The following WWOX variants were observed in gnomAD, a reference collection of about 807,000 sequenced individuals.
WWOX encodes WW domain containing oxidoreductase, also known as WW domain-containing oxidoreductase.
A neutral mutation model predicts 46.2 loss-of-function variants in WWOX; 69 were observed. That is an observed-to-expected ratio of 1.49 (90% confidence interval 1.23 to 1.82). The LOEUF (loss-of-function observed/expected upper bound fraction) is 1.82, where lower values mean the gene tolerates loss of function less well. Ranked by LOEUF, WWOX falls within the 40% of genes most tolerant of loss-of-function variation. WWOX has a pLI of 0.00. For missense variants in WWOX, 919 were observed against 542.6 expected (o/e 1.69, Z -6.89); for synonymous variants, 359 against 202.6 (o/e 1.77, Z -6.56).
chr16:78,570,233 G>A (rs1411800904), intron 8 of WWOX, among the ~76,000 whole-genome samples: 4 of 152,136 alleles, frequency 2.6e-5, no homozygotes, highest in African/African-American at 4.8e-5. Flanking sequence ...CGGGTCTGGG[G>A]CCCAAGTGTT....
chr16:78,665,832 GCACCAC>G (rs2047318263), intron 8 of WWOX, among the ~76,000 whole-genome samples: 1 of 152,224 alleles, frequency 6.6e-6, no homozygotes, highest in Middle Eastern at 3.4e-3. Flanking sequence ...TTACAGGCAT[GCACCAC>G]CATGCCCGGC....
intron 8 of WWOX, among the ~76,000 whole-genome samples, chr16:79,137,511 G>C (rs192685816): frequency 2.4e-4 from 36 of 152,290 alleles, no homozygotes; most frequent in African/African-American, 8.2e-4. Flanking sequence ...CACTTGGAGT[G>C]ACATGTTGGA....
chr16:79,149,980 C>T (rs2050247372), intron 8 of WWOX, among the ~76,000 whole-genome samples: 1 of 152,162 alleles, frequency 6.6e-6, no homozygotes. Flanking sequence ...CATCTGTGGG[C>T]ACAAAAGAGC....
rs116642940 is a variant in WWOX, at chr16:78,526,877, C to G, written c.1056+94125C>G. On this transcript the variant is annotated intron_variant, in intron 8 of 8. Transcript: ENST00000566780. The stretch of plus-strand genomic sequence containing the variant: ...CCTGGTCTGGCCTGGCCCAGTGTGC[C>G]AGCGAGGGCAGGTGCAATGGCTCAC... Among the ~76,000 whole-genome samples the G allele has an allele frequency of 7.1e-3, 1,074 of 152,228 alleles. 12 individuals are homozygous for G. The highest frequency in any genetic ancestry group is 0.025 in the African/African-American group (1,030 of 41,570).
intron 5 of WWOX, among the ~76,000 whole-genome samples, chr16:78,261,616 G>C (rs951515918): frequency 2.7e-5 from 4 of 149,898 alleles, no homozygotes; most frequent in African/African-American, 7.4e-5. Context: ...AAAAAAGTCT[G>C]ATTGCAACTA....
At chr16:78,687,266 C>G (rs1190398945) in intron 8 of WWOX, among the ~76,000 whole-genome samples, 2 of 152,154 alleles carry the variant, frequency 1.3e-5, no homozygotes, top group Non-Finnish European at 2.9e-5. Flanking sequence ...CCAATATGTT[C>G]TTAACATCTC....
chr16:78,949,208 C>G (rs766254748), intron 8 of WWOX, among the ~76,000 whole-genome samples: 1 of 152,142 alleles, frequency 6.6e-6, no homozygotes, highest in Non-Finnish European at 1.5e-5. Flanking sequence ...CTGGCTGACA[C>G]CTTGTGAGTG....
chr16:78,989,694 A>T (rs2046845929), intron 8 of WWOX, among the ~76,000 whole-genome samples: 1 of 151,942 alleles, frequency 6.6e-6, no homozygotes, highest in South Asian at 2.1e-4. Flanking sequence ...GAGCATGAGT[A>T]AGCCAGAAGC....
intron 5 of WWOX, among the ~76,000 whole-genome samples, chr16:78,172,222 C>T (rs943922516): frequency 3.3e-5 from 5 of 152,134 alleles, no homozygotes; most frequent in Non-Finnish European, 4.4e-5. Context: ...AAAGTACATC[C>T]GCTGCGCTTC....
intron 8 of WWOX, among the ~76,000 whole-genome samples, chr16:78,754,430 A>G (rs1341287036): frequency 2.6e-5 from 4 of 152,122 alleles, no homozygotes; most frequent in Non-Finnish European, 4.4e-5. Context: ...CAGGGTTTTG[A>G]AGAGTTTGGC....
At chr16:78,210,606 A>T (rs2036531162) in intron 5 of WWOX, among the ~76,000 whole-genome samples, 1 of 152,174 alleles carries the variant, frequency 6.6e-6, no homozygotes, top group African/African-American at 2.4e-5. Context: ...CACACTGCTT[A>T]GTCACCCAAA....
rs545525097 is a variant in WWOX at position 78,952,026 on chromosome 16, T to C, written c.1057-259582T>C. The stretch of plus-strand genomic sequence containing the variant: ...ACCCTCAGATAAACCACAGCAATGA[T>C]TTTATACTGTCTGTAGGGTAAAGAC... On this transcript the variant is annotated intron_variant, in intron 8 of 8. Coordinates refer to ENST00000566780, the MANE Select transcript of WWOX (RefSeq NM_016373.4). Among the ~76,000 whole-genome samples, 20 of 152,278 alleles carry C rather than the reference T, an allele frequency of 1.3e-4. No individual in the cohort carries two copies. In the South Asian group the frequency reaches 2.1e-3, roughly 16 times the overall value.
At chr16:78,141,037 A>G (rs1452905232) in intron 4 of WWOX, among the ~76,000 whole-genome samples, 2 of 152,238 alleles carry the variant, frequency 1.3e-5, no homozygotes. Context: ...CTTATGGAGC[A>G]TGATTTTCAG....
At chr16:78,333,249 C>T (rs976923377) in intron 5 of WWOX, among the ~76,000 whole-genome samples, 13 of 151,730 alleles carry the variant, frequency 8.6e-5, no homozygotes, top group African/African-American at 2.4e-4. Flanking sequence ...GGCGTTTCAC[C>T]GTGTTGGCCA....
chr16:78,535,988 G>A (rs1471686082), intron 8 of WWOX, among the ~76,000 whole-genome samples: 2 of 152,200 alleles, frequency 1.3e-5, no homozygotes, highest in Non-Finnish European at 2.9e-5. Flanking sequence ...TTTCAGGCAA[G>A]GTTAGTTTCG....
intron 6 of WWOX, among the ~76,000 whole-genome samples, chr16:78,405,185 G>A (rs2082498195): frequency 6.6e-6 from 1 of 152,148 alleles, no homozygotes; most frequent in South Asian, 2.1e-4. Flanking sequence ...ATGTACTGAT[G>A]TTCTGGAATT....
intron 8 of WWOX, among the ~76,000 whole-genome samples, chr16:78,952,210 C>T (rs1307141094): frequency 6.6e-6 from 1 of 152,060 alleles, no homozygotes; most frequent in East Asian, 1.9e-4. Flanking sequence ...ATGCTGGTTT[C>T]TCCCTTACTT....
At chr16:79,062,972 G>A (rs1029051417) in intron 8 of WWOX, among the ~76,000 whole-genome samples, 4 of 152,186 alleles carry the variant, frequency 2.6e-5, no homozygotes, top group African/African-American at 7.2e-5. Flanking sequence ...ATGGCTGATG[G>A]GCTACAGATG....
At chr16:78,467,296 A>G (rs1408028908) in intron 8 of WWOX, among the ~76,000 whole-genome samples, 1 of 152,210 alleles carries the variant, frequency 6.6e-6, no homozygotes, top group African/African-American at 2.4e-5. Context: ...TATGATGTAT[A>G]TACCCATATA....
Sources: allele counts gnomAD v4.1 joint callset (sites outside exome capture counted in the v4.1 genomes callset), GRCh38; gene constraint gnomAD v4.1.1; transcripts MANE v1.5; gene names NCBI Gene and HGNC (gene_info 2026-07-23, HGNC 2026-07-21).